RAB40C: variants seen among roughly 807,000 people sequenced by gnomAD.
RAB40C encodes RAB40C, member RAS oncogene family.
In RAB40C, 8 loss-of-function variants were observed where a neutral mutation model predicts 28.1. That is an observed-to-expected ratio of 0.28 (90% CI 0.17 to 0.51). RAB40C has a LOEUF of 0.51. Among genes scored for constraint, RAB40C ranks in the 20% least tolerant of loss-of-function variants. The probability of loss-of-function intolerance (pLI) is 0.97; values close to 1 mark genes in which losing one functional copy is unlikely to be tolerated. For synonymous variants in RAB40C, 201 were observed against 171.7 expected, an observed-to-expected ratio of 1.17 and a Z score of -1.34; for missense variants, 288 against 405.9, an observed-to-expected ratio of 0.71 and a Z score of 2.50.
chr16:590,909 A>G, intron 1 of RAB40C, among the ~76,000 whole-genome samples: 1 of 136,018 alleles, frequency 7.4e-6, no homozygotes, highest in Non-Finnish European at 1.5e-5. Context: ...GGTCTGGGAG[A>G]AGGTGTCATA....
intron 3 of RAB40C, chr16:624,747 G>A: frequency 1.0e-6 from 1 of 985,448 alleles, no homozygotes; most frequent in Non-Finnish European, 1.2e-6. Flanking sequence ...GCGGGCATAG[G>A]GGAATGGGCC....
intron 1 of RAB40C, among the ~76,000 whole-genome samples, chr16:594,460 G>A (rs997389598): frequency 3.9e-5 from 6 of 152,212 alleles, no homozygotes; most frequent in Admixed American, 6.5e-5. Flanking sequence ...ACCCATGGGA[G>A]CGAGGGCACC....
intron 5 of RAB40C, 69 bp downstream of exon 5, chr16:626,190 A>AG: frequency 3.4e-6 from 5 of 1,454,090 alleles, no homozygotes; most frequent in Admixed American, 1.7e-5. Flanking sequence ...ATGGAGGCTG[A>AG]GGGGGGCCAG....
intron 1 of RAB40C, 144 bp from the exon 2 acceptor site, chr16:617,064 C>G: frequency 2.4e-6 from 2 of 837,374 alleles, no homozygotes; most frequent in South Asian, 1.5e-5. Context: ...GAGATTTCCC[C>G]CTGCCCCACT....
intron 1 of RAB40C, among the ~76,000 whole-genome samples, chr16:592,995 A>G (rs2036034093): frequency 6.6e-6 from 1 of 152,228 alleles, no homozygotes; most frequent in South Asian, 2.1e-4. Flanking sequence ...GACCAGAGGC[A>G]GAGAGGAGAG....
chr16:627,100 A>G (rs1213859022), intron 5 of RAB40C, among the ~76,000 whole-genome samples: 5 of 152,230 alleles, frequency 3.3e-5, no homozygotes, highest in African/African-American at 1.2e-4. Context: ...GCCCTCTGGA[A>G]GCCCCGCAGC....
At chr16:626,320 C>G (rs1430477832) in intron 5 of RAB40C, among the ~76,000 whole-genome samples, 199 bp downstream of exon 5, 2 of 152,182 alleles carry the variant, frequency 1.3e-5, no homozygotes, top group Admixed American at 1.3e-4. Context: ...CTGGGGGGCA[C>G]AGGAGCAGCT....
rs529261613 is a variant in RAB40C, at chr16:629,180, A to G, written c.*1558A>G. 9.2e-6 allele frequency: 2 copies of G among 216,694 alleles called. No individual in the cohort carries two copies. The highest frequency in any genetic ancestry group is 1.0e-4 in the Admixed American group (2 of 19,948). 13.4% of individuals were successfully genotyped at this position (216,694 alleles called of 1,614,324 possible). A position where few individuals can be genotyped will look rare whatever the true frequency, so the allele number is the denominator to read the frequency against. On this transcript the variant is annotated 3_prime_UTR_variant, in exon 6 of 6. Transcript: ENST00000248139. ...TGGATGGTCCTGCATTCACGGCATC[A>G]ACACTACCCGCGCTGCTGTTAGACA...
chr16:621,180 C>T (rs1260812547), intron 3 of RAB40C, among the ~76,000 whole-genome samples: 1 of 152,214 alleles, frequency 6.6e-6, no homozygotes, highest in African/African-American at 2.4e-5. Flanking sequence ...CCGGGAGAAG[C>T]ACCTGAGTCT....
intron 1 of RAB40C, among the ~76,000 whole-genome samples, chr16:603,037 G>A (rs918511421): frequency 6.6e-6 from 1 of 152,194 alleles, no homozygotes; most frequent in African/African-American, 2.4e-5. Flanking sequence ...GTCTTGAACC[G>A]TGGCGCTGAA....
At chr16:607,029 C>G (rs1322946979) in intron 1 of RAB40C, among the ~76,000 whole-genome samples, 1 of 152,206 alleles carries the variant, frequency 6.6e-6, no homozygotes, top group East Asian at 1.9e-4. Context: ...AACCTCCACT[C>G]AGGTGGCCGA....
chr16:608,869 C>G (rs1567188718), intron 1 of RAB40C, among the ~76,000 whole-genome samples: 5 of 152,162 alleles, frequency 3.3e-5, no homozygotes. Context: ...CATCCCAGCA[C>G]TTTGGGAGGT....
Position 610,555 on chromosome 16 carries a change from A to C in RAB40C, c.143-6653A>C, listed in dbSNP as rs901055849. On this transcript the variant is annotated intron_variant, in intron 1 of 5. Transcript: ENST00000248139. This position sits in a 1 kb window ranked among gnomAD's most constrained non-coding sequence, Gnocchi z 4.6. ...ATTTTTGAAAAGACATTTCAACAGG[A>C]GGTAAAAATGAACAGCACACCAAGA... is the stretch of plus-strand genomic sequence containing the variant. Among the ~76,000 whole-genome samples the C allele has an allele frequency of 1.3e-5, 2 of 152,122 alleles. No individual in the cohort carries two copies. The highest frequency in any genetic ancestry group is 4.8e-5 in the African/African-American group (2 of 41,418).
chr16:608,177 T>C (rs893592026), intron 1 of RAB40C, among the ~76,000 whole-genome samples: 3 of 152,190 alleles, frequency 2.0e-5, no homozygotes, highest in African/African-American at 7.2e-5. Flanking sequence ...TGGCGGAAGG[T>C]ACCTCACACA....
intron 1 of RAB40C, among the ~76,000 whole-genome samples, chr16:596,626 C>T (rs2036131050): frequency 6.6e-6 from 1 of 152,256 alleles, no homozygotes; most frequent in Non-Finnish European, 1.5e-5. Context: ...GCTGAGCTGA[C>T]TTCCTGGGCG....
At chr16:608,287 G>A (rs528226355) in intron 1 of RAB40C, among the ~76,000 whole-genome samples, 3 of 152,290 alleles carry the variant, frequency 2.0e-5, no homozygotes, top group African/African-American at 7.2e-5. Flanking sequence ...AAACAGCAGG[G>A]GGGAACCACC....
In RAB40C at chr16:625,281, G is replaced by C. The variant is rs116767363; in HGVS notation, c.265-151G>C. Reference sequence around the variant, plus strand: ...TGAGGGGCAGGGCTGCACCAGCTCTGCCTGGAGGGCATGGCTCATCTGCCC... The same window carrying C: ...TGAGGGGCAGGGCTGCACCAGCTCTCCCTGGAGGGCATGGCTCATCTGCCC... On this transcript the variant is annotated intron_variant, in intron 3 of 5. Coordinates refer to ENST00000248139, the MANE Select transcript of RAB40C (RefSeq NM_021168.5). 10,613 of 1,457,760 alleles carry C rather than the reference G, an allele frequency of 7.3e-3. 359 individuals are homozygous for C. In the African/African-American group the frequency reaches 0.093, roughly 13 times the overall value. The allele number at this position is 1,457,760 out of a possible 1,614,324, so 90.3% of individuals were successfully genotyped here.
chr16:602,837 C>T (rs1205825554), intron 1 of RAB40C, among the ~76,000 whole-genome samples: 1 of 152,130 alleles, frequency 6.6e-6, no homozygotes, highest in East Asian at 1.9e-4. Flanking sequence ...CCCAAAGTGT[C>T]GAGATGACAG....
intron 1 of RAB40C, chr16:616,928 G>C: frequency 2.3e-6 from 1 of 443,064 alleles, no homozygotes; most frequent in Non-Finnish European, 4.2e-6. Context: ...GGAGAGGCTG[G>C]CCTGCTAGGC....
Sources: gnomAD v4.1 joint callset for allele counts (sites outside exome capture counted in the v4.1 genomes callset) on GRCh38, gnomAD v4.1.1 for gene constraint, Gnocchi (gnomAD v3.1) non-coding constraint, MANE v1.5 for transcripts, NCBI Gene and HGNC (gene_info 2026-07-23, HGNC 2026-07-21) for gene names.